Variants in NME7 observed in about 807,000 individuals in gnomAD.
NME7 encodes nucleoside diphosphate kinase 7.
In NME7, 41 loss-of-function variants were observed where a neutral mutation model predicts 49.1. The ratio of observed to expected loss-of-function variants is 0.83; its 90% CI spans 0.65 to 1.08. NME7 has a LOEUF of 1.08. Among genes scored for constraint, NME7 ranks in the 50% least tolerant of loss-of-function variants. NME7 has a pLI of 0.00. For synonymous variants in NME7, 139 were observed against 150.6 expected (o/e 0.92, Z 0.56); for missense variants, 423 against 463.4 (o/e 0.91, Z 0.80).
chr1:169,218,659 AT>A (rs34342694), intron 10 of NME7, among the ~76,000 whole-genome samples: 27,329 of 118,126 alleles, frequency 0.23, 3,305 homozygotes, highest in Non-Finnish European at 0.32. Flanking sequence ...CCAATTTTGA[AT>A]TTTTTTTTTT....
intron 7 of NME7, among the ~76,000 whole-genome samples, chr1:169,255,379 T>C (rs1367057031): frequency 1.7e-5 from 2 of 116,582 alleles, no homozygotes; most frequent in African/African-American, 6.1e-5. Context: ...GAGACTAGGA[T>C]TGCAACCCCT....
rs1258785598 is a variant in NME7 at position 169,323,107 on chromosome 1, G to A, written c.278+10C>T. On this transcript the variant is annotated intron_variant, in intron 3 of 11. Coordinates refer to ENST00000367811, the MANE Select transcript of NME7 (RefSeq NM_013330.5). Reference sequence around the variant, plus strand: ...GAGCATGTAAAAAGATTATATAATTGTTTTCTTACTTTTCTTTCCTACTGC... The same window carrying A: ...GAGCATGTAAAAAGATTATATAATTATTTTCTTACTTTTCTTTCCTACTGC... The A allele has an allele frequency of 2.6e-6, 4 of 1,534,650 alleles. No individual in the cohort carries two copies. The highest frequency in any genetic ancestry group is 3.5e-6 in the Non-Finnish European group (4 of 1,144,986).
intron 11 of NME7, among the ~76,000 whole-genome samples, chr1:169,135,186 CA>C (rs1031343807): frequency 1.3e-5 from 2 of 151,158 alleles, no homozygotes; most frequent in Non-Finnish European, 3.0e-5. Flanking sequence ...AAAACAAAAA[CA>C]AAAAAAACAA....
At chr1:169,339,243 CT>C (rs1652595771) in intron 1 of NME7, among the ~76,000 whole-genome samples, 1 of 152,150 alleles carries the variant, frequency 6.6e-6, no homozygotes, top group Non-Finnish European at 1.5e-5. Context: ...AAGAGGACAT[CT>C]TTTCTTACTT....
intron 10 of NME7, among the ~76,000 whole-genome samples, chr1:169,191,569 T>C (rs1660231626): frequency 6.6e-6 from 1 of 152,170 alleles, no homozygotes. Context: ...TATAAAGACT[T>C]TTGCTTTTCA....
chr1:169,157,314 C>A (rs541021848), intron 11 of NME7, among the ~76,000 whole-genome samples: 1 of 152,272 alleles, frequency 6.6e-6, no homozygotes, highest in South Asian at 2.1e-4. Flanking sequence ...CCCTTATAAG[C>A]CCAGGTCCTC....
At chr1:169,253,633 C>T (rs1285746113) in intron 7 of NME7, among the ~76,000 whole-genome samples, 1 of 152,188 alleles carries the variant, frequency 6.6e-6, no homozygotes, top group African/African-American at 2.4e-5. Context: ...GCATCCCTGT[C>T]TTGTGCCAGT....
intron 11 of NME7, among the ~76,000 whole-genome samples, chr1:169,158,435 T>C (rs1659147165): frequency 6.6e-6 from 1 of 152,184 alleles, no homozygotes; most frequent in Admixed American, 6.5e-5. Flanking sequence ...ACTTATAAAT[T>C]GTTTATTTCT....
At position 169,316,178 on chromosome 1, in the gene NME7, A is replaced by AAAAT. The variant is rs904338356; in HGVS notation, c.279-6102_279-6099dup. On this transcript the variant is annotated intron_variant, in intron 3 of 11. Coordinates refer to ENST00000367811, the MANE Select transcript of NME7 (RefSeq NM_013330.5). Reference sequence around the variant, plus strand: ...AATCTAAGCAAATGTTGTTTCTATCAAAATAAATAAATAAATAAATAAAAG... The same window carrying AAAAT: ...AATCTAAGCAAATGTTGTTTCTATCAAAATAAATAAATAAATAAATAAATAAAAG... 1.8e-3 allele frequency among the ~76,000 whole-genome samples: 280 copies of AAAAT among 151,980 alleles called. 11 individuals are homozygous for AAAAT. Among genetic ancestry groups the AAAAT allele is most frequent in the Admixed American group, 0.015 (232 of 15,258 alleles).
At chr1:169,350,709 T>C (rs937880775) in intron 1 of NME7, among the ~76,000 whole-genome samples, 2 of 151,954 alleles carry the variant, frequency 1.3e-5, no homozygotes, top group African/African-American at 4.8e-5. Context: ...ATAAAAGAGA[T>C]TAAAAATAGA....
At chr1:169,207,335 C>T (rs1660699649) in intron 10 of NME7, among the ~76,000 whole-genome samples, 1 of 152,144 alleles carries the variant, frequency 6.6e-6, no homozygotes, top group Non-Finnish European at 1.5e-5. Context: ...ATGCCTCCCA[C>T]TAGGCCCTAC....
At chr1:169,345,916 G>A (rs1043496185) in intron 1 of NME7, among the ~76,000 whole-genome samples, 1 of 152,032 alleles carries the variant, frequency 6.6e-6, no homozygotes, top group Non-Finnish European at 1.5e-5. Context: ...TAACAGCAAC[G>A]CTATCCTTAC....
intron 10 of NME7, among the ~76,000 whole-genome samples, chr1:169,208,112 T>A (rs1054791935): frequency 6.6e-6 from 1 of 152,174 alleles, no homozygotes; most frequent in Non-Finnish European, 1.5e-5. Context: ...TACACAAATC[T>A]GCTTAACTTC....
chr1:169,245,223 C>T (rs576847085), intron 7 of NME7, among the ~76,000 whole-genome samples: 10 of 152,172 alleles, frequency 6.6e-5, no homozygotes, highest in African/African-American at 2.2e-4. Flanking sequence ...CCAATGAGCC[C>T]CTTACACTGT....
At chr1:169,346,599 T>G (rs2101969821) in intron 1 of NME7, among the ~76,000 whole-genome samples, 1 of 152,338 alleles carries the variant, frequency 6.6e-6, no homozygotes, top group Non-Finnish European at 1.5e-5. Context: ...CCTGCTCATT[T>G]TTTTCCCGTA....
chr1:169,204,013 T>C (rs1660615650), intron 10 of NME7, among the ~76,000 whole-genome samples: 1 of 151,912 alleles, frequency 6.6e-6, no homozygotes, highest in African/African-American at 2.4e-5. Flanking sequence ...TGCACCACCA[T>C]GCCTGGTTAA....
At chr1:169,302,696 C>T (rs1321778150) in intron 5 of NME7, among the ~76,000 whole-genome samples, 3 of 151,978 alleles carry the variant, frequency 2.0e-5, no homozygotes, top group Admixed American at 6.6e-5. Flanking sequence ...ATCAATTGTA[C>T]CCCAAACCTC....
At chr1:169,324,154 C>T (rs1651963325) in intron 2 of NME7, among the ~76,000 whole-genome samples, 1 of 151,896 alleles carries the variant, frequency 6.6e-6, no homozygotes, top group South Asian at 2.1e-4. Context: ...CGCGCCCAGC[C>T]CCCACTTCAG....
At position 169,314,570 on chromosome 1, in the gene NME7, G is replaced by A. The variant is rs1376506193; in HGVS notation, c.279-4490C>T. On this transcript the variant is annotated intron_variant, in intron 3 of 11. Coordinates refer to ENST00000367811, the MANE Select transcript of NME7 (RefSeq NM_013330.5). ...TAAAGCCAAGTATATTAGTAGTTAC[G>A]TTACAAATAAGTGCTCTACAGTAGA... Among the ~76,000 whole-genome samples the A allele has an allele frequency of 2.6e-5, 4 of 152,086 alleles. No homozygotes were observed. The South Asian group carries it at 6.2e-4, about 24-fold the overall frequency.
Sources: allele counts gnomAD v4.1 joint callset (sites outside exome capture counted in the v4.1 genomes callset), GRCh38; gene constraint gnomAD v4.1.1; transcripts MANE v1.5; gene names NCBI Gene and HGNC (gene_info 2026-07-23, HGNC 2026-07-21).